CHCHD3: variants seen among roughly 807,000 people sequenced by gnomAD.
The protein encoded by CHCHD3 is coiled-coil-helix-coiled-coil-helix domain containing 3.
Under a neutral mutation model 38.2 loss-of-function variants are expected in CHCHD3, and 20 were observed. The ratio of observed to expected loss-of-function variants is 0.52; its 90% CI spans 0.37 to 0.76. The LOEUF is 0.76. Among genes scored for constraint, CHCHD3 ranks in the 30% least tolerant of loss-of-function variants. The pLI is 0.00. For synonymous variants in CHCHD3, 82 were observed against 100.0 expected, an observed-to-expected ratio of 0.82 and a Z score of 1.07; for missense variants, 245 against 279.2, an observed-to-expected ratio of 0.88 and a Z score of 0.87.
intron 5 of CHCHD3, among the ~76,000 whole-genome samples, chr7:132,845,457 C>T (rs2117106790): frequency 6.6e-6 from 1 of 152,270 alleles, no homozygotes; most frequent in African/African-American, 2.4e-5. Flanking sequence ...TTCTGTTTTT[C>T]TGTTCCTTAA....
chr7:133,038,331 C>T (rs1813736016), intron 2 of CHCHD3, among the ~76,000 whole-genome samples: 1 of 152,134 alleles, frequency 6.6e-6, no homozygotes, highest in South Asian at 2.1e-4. Flanking sequence ...GCAGAATTTA[C>T]AGCACACAGT....
chr7:132,872,965 G>A (rs1042887210), intron 5 of CHCHD3, among the ~76,000 whole-genome samples: 1 of 152,098 alleles, frequency 6.6e-6, no homozygotes, highest in African/African-American at 2.4e-5. Flanking sequence ...GGTGGTGCAC[G>A]CTTGTAATCC....
At chr7:132,917,345 G>A (rs1348821396) in intron 4 of CHCHD3, among the ~76,000 whole-genome samples, 1 of 151,954 alleles carries the variant, frequency 6.6e-6, no homozygotes, top group Non-Finnish European at 1.5e-5. Context: ...AGAGCCAGTC[G>A]TAATCCTCTA....
chr7:132,862,912 C>T (rs1481993214), intron 5 of CHCHD3, among the ~76,000 whole-genome samples: 1 of 152,194 alleles, frequency 6.6e-6, no homozygotes, highest in Non-Finnish European at 1.5e-5. Flanking sequence ...AATTCAGTTC[C>T]ATCTTTGGGC....
intron 5 of CHCHD3, among the ~76,000 whole-genome samples, chr7:132,869,808 T>C (rs1808719696): frequency 1.3e-5 from 2 of 151,968 alleles, no homozygotes; most frequent in African/African-American, 4.8e-5. Flanking sequence ...TGTCTCAAAC[T>C]TCTGGGCTCA....
chr7:132,815,099 G>T (rs769769390), intron 6 of CHCHD3, among the ~76,000 whole-genome samples: 6 of 152,134 alleles, frequency 3.9e-5, no homozygotes, highest in Non-Finnish European at 7.4e-5. Flanking sequence ...TTTTATCAAG[G>T]CATTTCAACG....
At chr7:132,847,291 G>A (rs1488321645) in intron 5 of CHCHD3, 5 of 152,190 alleles carry the variant, frequency 3.3e-5, no homozygotes, top group Non-Finnish European at 5.9e-5. Context: ...TAAAGAAGAA[G>A]GAAGAAAGAA....
chr7:133,027,732 C>T (rs13226580), intron 2 of CHCHD3, among the ~76,000 whole-genome samples: 56,477 of 151,838 alleles, frequency 0.37, 10,665 homozygotes, highest in Admixed American at 0.43. Context: ...AGGGGTCAAA[C>T]AAAACTTAGG....
At chr7:132,871,423 T>C (rs535111241) in intron 5 of CHCHD3, among the ~76,000 whole-genome samples, 7 of 152,286 alleles carry the variant, frequency 4.6e-5, no homozygotes, top group East Asian at 1.9e-4. Context: ...CATGAGAGAA[T>C]AGACAGTTCA....
chr7:132,848,840 G>C (rs556812053), intron 5 of CHCHD3, among the ~76,000 whole-genome samples: 2 of 152,098 alleles, frequency 1.3e-5, no homozygotes, highest in Non-Finnish European at 2.9e-5. Context: ...TAAACCTATG[G>C]CCTTGAGTCC....
chr7:133,008,412 C>T (rs1254727098), intron 3 of CHCHD3, among the ~76,000 whole-genome samples: 2 of 139,680 alleles, frequency 1.4e-5, no homozygotes, highest in African/African-American at 2.7e-5. Flanking sequence ...GTATTCTACA[C>T]ACATGCAGAA....
chr7:133,002,851 AATG>A (rs1354702600), intron 3 of CHCHD3, among the ~76,000 whole-genome samples: 1 of 152,238 alleles, frequency 6.6e-6, no homozygotes, highest in Admixed American at 6.5e-5. Flanking sequence ...TAAATGTTGC[AATG>A]ATACTAACTT....
At chr7:132,842,529 T>C (rs1427874045) in intron 5 of CHCHD3, among the ~76,000 whole-genome samples, 1 of 152,224 alleles carries the variant, frequency 6.6e-6, no homozygotes, top group African/African-American at 2.4e-5. Context: ...ATGTTCGTTT[T>C]CTGTTTCAGG....
At chr7:132,988,064 G>A (rs1812169196) in intron 3 of CHCHD3, among the ~76,000 whole-genome samples, 1 of 152,062 alleles carries the variant, frequency 6.6e-6, no homozygotes, top group Non-Finnish European at 1.5e-5. Context: ...TATTGGTAAG[G>A]CTTCCGGTCA....
intron 3 of CHCHD3, among the ~76,000 whole-genome samples, chr7:133,018,087 AT>A (rs1813077758): frequency 6.6e-6 from 1 of 152,262 alleles, no homozygotes; most frequent in African/African-American, 2.4e-5. Context: ...CAGCAATGCA[AT>A]AAAGCATTTA....
chr7:132,853,770 T>C (rs1021058461), intron 5 of CHCHD3, among the ~76,000 whole-genome samples: 15 of 152,206 alleles, frequency 9.9e-5, no homozygotes, highest in Admixed American at 7.9e-4. Flanking sequence ...AATCTACTTT[T>C]ATCACTGGCA....
At chr7:132,981,164 T>C (rs1383301107) in intron 3 of CHCHD3, among the ~76,000 whole-genome samples, 1 of 142,230 alleles carries the variant, frequency 7.0e-6, no homozygotes, top group East Asian at 2.0e-4. Context: ...TTTTGGGTTG[T>C]TTTTTTTTTT....
At chr7:132,803,603 G>C (rs1806841891) in intron 6 of CHCHD3, among the ~76,000 whole-genome samples, 1 of 151,744 alleles carries the variant, frequency 6.6e-6, no homozygotes, top group South Asian at 2.1e-4. Context: ...CATCAAAATT[G>C]GTCTTAGGAT....
chr7:132,932,494 G>A (rs536123578), intron 4 of CHCHD3, among the ~76,000 whole-genome samples: 4 of 152,300 alleles, frequency 2.6e-5, no homozygotes, highest in Non-Finnish European at 5.9e-5. Context: ...TACCCTGGAA[G>A]GCACTGCTTA....
Sources: allele counts gnomAD v4.1 joint callset (sites outside exome capture counted in the v4.1 genomes callset), GRCh38; gene constraint gnomAD v4.1.1; transcripts MANE v1.5; gene names NCBI Gene and HGNC (gene_info 2026-07-23, HGNC 2026-07-21).